Variants in TTLL1 observed in about 807,000 individuals in gnomAD.
TTLL1 encodes polyglutamylase complex subunit TTLL1.
Under a neutral mutation model 47.8 loss-of-function variants are expected in TTLL1, and 33 were observed. That is an observed-to-expected ratio of 0.69 (90% CI 0.52 to 0.92). The LOEUF is 0.92. TTLL1 is among the 40% of genes least tolerant of loss of function. The pLI is 0.00. For synonymous variants in TTLL1, 225 were observed against 214.1 expected, an observed-to-expected ratio of 1.05 and a Z score of -0.45; for missense variants, 488 against 547.5, an observed-to-expected ratio of 0.89 and a Z score of 1.08.
chr22:43,070,335 C>A, intron 3 of TTLL1: 2 of 591,474 alleles, frequency 3.4e-6, no homozygotes, highest in Non-Finnish European at 5.7e-6. Flanking sequence ...TTGGGGACGA[C>A]AGAGTTGAAA....
intron 10 of TTLL1, among the ~76,000 whole-genome samples, chr22:43,042,582 A>T (rs902709914): frequency 1.3e-5 from 2 of 152,164 alleles, no homozygotes; most frequent in African/African-American, 2.4e-5. Context: ...GGGGCACGTG[A>T]CCTCATGCGG....
chr22:43,063,973 G>T (rs1364126434), intron 6 of TTLL1, 52 bp from the exon 7 acceptor site: 2 of 1,573,180 alleles, frequency 1.3e-6, no homozygotes, highest in Non-Finnish European at 1.7e-6. Flanking sequence ...AAAAAGAAAA[G>T]ACACCACTTC....
At chr22:43,047,536 T>G (rs1926238418) in intron 9 of TTLL1, among the ~76,000 whole-genome samples, 1 of 152,136 alleles carries the variant, frequency 6.6e-6, no homozygotes, top group African/African-American at 2.4e-5. Flanking sequence ...TGGTGTGATC[T>G]CAGCTCACTG....
chr22:43,045,456 A>G (rs1926039655), intron 10 of TTLL1, among the ~76,000 whole-genome samples: 1 of 147,648 alleles, frequency 6.8e-6, no homozygotes, highest in Admixed American at 6.9e-5. Context: ...TGTAAAATAG[A>G]TCTTATTATA....
chr22:43,071,774 T>A (rs915776177), intron 3 of TTLL1, among the ~76,000 whole-genome samples: 1 of 152,238 alleles, frequency 6.6e-6, no homozygotes, highest in Non-Finnish European at 1.5e-5. Context: ...CTACTTCTCC[T>A]TGTGGCACTG....
At chr22:43,053,592 G>A (rs12628150) in intron 8 of TTLL1, among the ~76,000 whole-genome samples, 5,928 of 152,196 alleles carry the variant, frequency 0.039, 436 homozygotes, top group East Asian at 0.3. Context: ...GGTTCCTCGG[G>A]GGGTCTCAGA....
At chr22:43,045,419 C>T (rs1252939661) in intron 10 of TTLL1, among the ~76,000 whole-genome samples, 7 of 151,006 alleles carry the variant, frequency 4.6e-5, no homozygotes, top group Non-Finnish European at 8.8e-5. Flanking sequence ...GACAAGCCCT[C>T]GAAAGTTAGC....
intron 8 of TTLL1, among the ~76,000 whole-genome samples, chr22:43,052,716 A>T (rs1407144930): frequency 2.0e-5 from 3 of 152,092 alleles, no homozygotes; most frequent in African/African-American, 7.2e-5. Flanking sequence ...ACTGCACTCC[A>T]GCCTGGGTGA....
intron 10 of TTLL1, among the ~76,000 whole-genome samples, chr22:43,045,440 C>G (rs1926038361): frequency 2.6e-5 from 4 of 151,678 alleles, no homozygotes. Context: ...TATTTCCTTC[C>G]CGCTCTGTAA....
At chr22:43,081,539 T>C (rs1928886866) in intron 1 of TTLL1, among the ~76,000 whole-genome samples, 1 of 152,036 alleles carries the variant, frequency 6.6e-6, no homozygotes, top group South Asian at 2.1e-4. Flanking sequence ...TCCATTTTTT[T>C]TTAATGTATT....
intron 6 of TTLL1, 76 bp downstream of exon 6, chr22:43,064,114 C>T: frequency 1.3e-6 from 2 of 1,572,582 alleles, no homozygotes; most frequent in Non-Finnish European, 1.7e-6. Context: ...TATGAAACCT[C>T]ACAATGGTGC....
chr22:43,040,065 G>C (rs1925543928), intron 10 of TTLL1, 160 bp from the exon 11 acceptor site: 2 of 927,426 alleles, frequency 2.2e-6, no homozygotes, highest in Admixed American at 2.9e-5. Context: ...CTCCCACCTG[G>C]CTCCAGCCCA....
At position 43,075,519 on chromosome 22, in the gene TTLL1, C is replaced by G. The variant is rs1928425510; in HGVS notation, c.68G>C (p.Arg23Thr). Residue 23 changes from arginine to threonine, a missense_variant, in exon 3 of 11, where the codon AGA becomes ACA. Transcript: ENST00000266254. ...GTTTTCTGTCACTTGGACCCATCCT[C>G]TCTTTTCAAAGTTATTGATCAGCAC... ...KSVLINNFEK[R>T]GWVQVTENED... 1 of 1,614,070 alleles carries G rather than the reference C, an allele frequency of 6.2e-7. No homozygotes were observed. Among genetic ancestry groups the G allele is most frequent in the Non-Finnish European group, 8.5e-7 (1 of 1,180,036 alleles).
intron 7 of TTLL1, among the ~76,000 whole-genome samples, chr22:43,062,274 C>T (rs375956996): frequency 2.8e-4 from 42 of 152,044 alleles, no homozygotes; most frequent in African/African-American, 9.7e-4. Flanking sequence ...GGGTGGATCA[C>T]GAGGTCAAGA....
At chr22:43,083,631 G>C (rs1249241242) in intron 1 of TTLL1, among the ~76,000 whole-genome samples, 1 of 152,110 alleles carries the variant, frequency 6.6e-6, no homozygotes, top group African/African-American at 2.4e-5. Context: ...GGGAGGCTGA[G>C]GCATGAGAAC....
intron 8 of TTLL1, among the ~76,000 whole-genome samples, chr22:43,054,718 C>T (rs1926880063): frequency 7.3e-6 from 1 of 136,620 alleles, no homozygotes; most frequent in Non-Finnish European, 1.5e-5. Flanking sequence ...GCCACTGCAC[C>T]TGGCCTTTTT....
chr22:43,074,608 A>AGGC, intron 3 of TTLL1, among the ~76,000 whole-genome samples: 2 of 152,160 alleles, frequency 1.3e-5, no homozygotes, highest in Admixed American at 1.3e-4. Context: ...TGGGAGGCTG[A>AGGC]AGTGGGAAGA....
chr22:43,046,794 T>C (rs1407458280), intron 9 of TTLL1, among the ~76,000 whole-genome samples: 4 of 152,106 alleles, frequency 2.6e-5, no homozygotes, highest in Admixed American at 2.0e-4. Context: ...CTCAGCCTCC[T>C]GAGTAGCTGG....
rs1925526352 is a variant in TTLL1, at chr22:43,039,880, C to T, written c.1168G>A (p.Asp390Asn). Reference sequence around the variant, plus strand: ...CTTCTCAGCTCCCGGTCAGCCCCGTCACCCTGGGCCAATTCTTCATCATAC... The same window carrying T: ...CTTCTCAGCTCCCGGTCAGCCCCGTTACCCTGGGCCAATTCTTCATCATAC... ...ILYDEELAQGDGADRELRSRQ... is the reference protein window; with the variant it reads ...ILYDEELAQGNGADRELRSRQ... The change falls in exon 11 of 11, where the codon GAC (aspartate) becomes AAC (asparagine). Residue 390 changes from aspartate (D) to asparagine (N), a missense_variant. By Grantham distance (23) the Asp-to-Asn change is conservative (BLOSUM62 1). Transcript: ENST00000266254. The T allele has an allele frequency of 1.9e-6, 3 of 1,613,870 alleles. No individual in the cohort carries two copies. The highest frequency in any genetic ancestry group is 2.5e-6 in the Non-Finnish European group (3 of 1,180,000).
Sources: gnomAD v4.1 joint callset for allele counts (sites outside exome capture counted in the v4.1 genomes callset) on GRCh38, gnomAD v4.1.1 for gene constraint, MANE v1.5 for transcripts, NCBI Gene and HGNC (gene_info 2026-07-23, HGNC 2026-07-21) for gene names.